The following MAP3K8 variants were observed in gnomAD, a reference collection of about 807,000 sequenced individuals.
The protein encoded by MAP3K8 is Ewing sarcoma transformant.
MAP3K8 carries 22 observed loss-of-function variants against 45.8 expected under a neutral mutation model. That is an observed-to-expected ratio of 0.48 (90% CI 0.34 to 0.69). The LOEUF is 0.69. MAP3K8 is among the 30% of genes least tolerant of loss of function. The pLI is 0.01. For missense variants in MAP3K8, 419 were observed against 585.0 expected, an observed-to-expected ratio of 0.72 and a Z score of 2.93; for synonymous variants, 223 against 214.3, an observed-to-expected ratio of 1.04 and a Z score of -0.36.
chr10:30,445,929 A>T (rs1201507623), intron 3 of MAP3K8, among the ~76,000 whole-genome samples: 1 of 152,218 alleles, frequency 6.6e-6, no homozygotes, highest in Non-Finnish European at 1.5e-5. Flanking sequence ...CAGTTACTAG[A>T]ACTATTTCTG....
In MAP3K8 at chr10:30,439,246, C is replaced by A; in HGVS notation, c.308C>A (p.Pro103Gln). 2 of 1,614,168 alleles carry A rather than the reference C, an allele frequency of 1.2e-6. No homozygotes were observed. Among genetic ancestry groups the A allele is most frequent in the Non-Finnish European group, 1.7e-6 (2 of 1,180,042 alleles). Residue 103 changes from proline (P) to glutamine (Q), a missense_variant, in exon 3 of 9, where the codon CCA becomes CAA. By Grantham distance (76) the Pro-to-Gln change is moderately conservative. Coordinates refer to ENST00000263056, the MANE Select transcript of MAP3K8 (RefSeq NM_005204.4). ...NTAKHFYGQR[P>Q]QESGILLNMV... Reference sequence around the variant, plus strand: ...GCAAAGCATTTTTATGGACAACGACCACAGGAATCTGGAATTTTATTAAAC... The same window carrying A: ...GCAAAGCATTTTTATGGACAACGACAACAGGAATCTGGAATTTTATTAAAC...
chr10:30,441,425 G>A (rs1430601225), intron 3 of MAP3K8, among the ~76,000 whole-genome samples: 6 of 152,160 alleles, frequency 3.9e-5, no homozygotes. Context: ...TCAAAGTGTG[G>A]GGATTATAGG....
chr10:30,451,093 C>CAAAAAA (rs56773403), intron 5 of MAP3K8, among the ~76,000 whole-genome samples: 1 of 52,782 alleles, frequency 1.9e-5, no homozygotes. Flanking sequence ...AACTCCGTCT[C>CAAAAAA]AAAAAAAAAA....
rs1386273512 is a variant in MAP3K8 at position 30,437,403 on chromosome 10, T to C, written c.-27T>C. The C allele has an allele frequency of 2.9e-6, 2 of 689,540 alleles. No individual in the cohort carries two copies. The highest frequency in any genetic ancestry group is 2.7e-4 in the East Asian group (2 of 7,430). The allele number at this position is 689,540 out of a possible 1,614,324, so 42.7% of individuals were successfully genotyped here. ...TCTGTTAATCCTCACGACCACCTCA[T>C]GAGGTAGGTGCTGTTATTACTTCCA... On this transcript the variant is annotated 5_prime_UTR_variant, in exon 2 of 9. It removes an upstream start codon present in the reference 5' UTR. Coordinates refer to ENST00000263056, the MANE Select transcript of MAP3K8 (RefSeq NM_005204.4).
chr10:30,445,752 G>A (rs1836303441), intron 3 of MAP3K8, among the ~76,000 whole-genome samples: 2 of 152,186 alleles, frequency 1.3e-5, no homozygotes, highest in Non-Finnish European at 1.5e-5. Flanking sequence ...CCTGCACAGG[G>A]TCTCACACAG....
chr10:30,436,287 C>T (rs1369864378), intron 1 of MAP3K8, among the ~76,000 whole-genome samples: 1 of 152,196 alleles, frequency 6.6e-6, no homozygotes, highest in Non-Finnish European at 1.5e-5. Context: ...ATATTGTGTG[C>T]TTAATTAAGG....
chr10:30,434,740 C>T, intron 1 of MAP3K8: 2 of 985,564 alleles, frequency 2.0e-6, no homozygotes, highest in Non-Finnish European at 2.4e-6. Context: ...TCTCCCTGCC[C>T]GAGACCCGGT....
chr10:30,451,916 G>A (rs1261790765), intron 6 of MAP3K8, among the ~76,000 whole-genome samples, 172 bp downstream of exon 6: 2 of 152,062 alleles, frequency 1.3e-5, no homozygotes, highest in Non-Finnish European at 2.9e-5. Context: ...CAAGTACTAA[G>A]TTTAGCACTT....
At position 30,438,935 on chromosome 10, in the gene MAP3K8, A is replaced by T; in HGVS notation, c.-4A>T. ...TCCTAGACTCTCCAGAAAGAGCAACAGTAATGGAGTACATGAGCACTGGAA... is the reference window on the plus strand; with the variant it reads ...TCCTAGACTCTCCAGAAAGAGCAACTGTAATGGAGTACATGAGCACTGGAA... On this transcript the variant is annotated 5_prime_UTR_variant, in exon 3 of 9. Transcript: ENST00000263056. 1.3e-6 allele frequency: 2 copies of T among 1,592,260 alleles called. No homozygotes were observed. Among genetic ancestry groups the T allele is most frequent in the Non-Finnish European group, 8.6e-7 (1 of 1,164,550 alleles).
At chr10:30,451,461 A>C (rs762978091) in intron 5 of MAP3K8, among the ~76,000 whole-genome samples, 177 bp from the exon 6 acceptor site, 5 of 152,178 alleles carry the variant, frequency 3.3e-5, no homozygotes, top group Non-Finnish European at 7.4e-5. Flanking sequence ...ATCCAAAGTG[A>C]TTTTCACCTC....
intron 1 of MAP3K8, among the ~76,000 whole-genome samples, chr10:30,436,855 A>G (rs1835927988): frequency 6.7e-6 from 1 of 149,470 alleles, no homozygotes; most frequent in African/African-American, 2.5e-5. Context: ...AGTCCAGGAG[A>G]CTTGGATCCT....
chr10:30,456,156 A>G (rs989854149), intron 6 of MAP3K8, among the ~76,000 whole-genome samples: 2 of 152,246 alleles, frequency 1.3e-5, no homozygotes, highest in African/African-American at 4.8e-5. Context: ...CTCTATGGAC[A>G]GTTAATAATA....
chr10:30,440,225 G>GAT (rs1170215956), intron 3 of MAP3K8, among the ~76,000 whole-genome samples: 10 of 152,322 alleles, frequency 6.6e-5, no homozygotes, highest in African/African-American at 2.4e-4. Context: ...GTGAACGTAG[G>GAT]TGCTGGCTAA....
At chr10:30,457,531 C>T (rs1004596604) in intron 6 of MAP3K8, among the ~76,000 whole-genome samples, 2 of 152,176 alleles carry the variant, frequency 1.3e-5, no homozygotes, top group African/African-American at 4.8e-5. Context: ...TAGTTGAAAA[C>T]TTAGCTACAC....
intron 3 of MAP3K8, among the ~76,000 whole-genome samples, chr10:30,442,901 CA>C (rs1386327316): frequency 1.3e-5 from 2 of 152,142 alleles, no homozygotes; most frequent in African/African-American, 4.8e-5. Flanking sequence ...GTCTAGTACT[CA>C]AATCACCCTG....
chr10:30,435,569 TGA>T (rs1835885145), intron 1 of MAP3K8, among the ~76,000 whole-genome samples: 1 of 134,424 alleles, frequency 7.4e-6, no homozygotes, highest in Non-Finnish European at 1.5e-5. Context: ...AAATTTTTTT[TGA>T]GAGGGGGTTT....
intron 6 of MAP3K8, among the ~76,000 whole-genome samples, chr10:30,457,179 G>A (rs544359548): frequency 7.9e-5 from 12 of 151,786 alleles, no homozygotes; most frequent in Admixed American, 3.9e-4. Flanking sequence ...ATAAATGCTC[G>A]TTAGAGAAAC....
intron 1 of MAP3K8, among the ~76,000 whole-genome samples, chr10:30,436,910 CTG>C (rs1211910648): frequency 6.6e-6 from 1 of 150,586 alleles, no homozygotes; most frequent in East Asian, 2.0e-4. Flanking sequence ...TTTTTAACCT[CTG>C]TGTTTCCAGT....
chr10:30,451,058 C>T (rs1239793294), intron 5 of MAP3K8, among the ~76,000 whole-genome samples: 1 of 149,310 alleles, frequency 6.7e-6, no homozygotes, highest in Non-Finnish European at 1.5e-5. Flanking sequence ...CGCCATTGCT[C>T]TCCCAGCCTG....
Sources: allele counts gnomAD v4.1 joint callset (sites outside exome capture counted in the v4.1 genomes callset), GRCh38; gene constraint gnomAD v4.1.1; transcripts MANE v1.5; gene names NCBI Gene and HGNC (gene_info 2026-07-23, HGNC 2026-07-21).